The following ZNF609 variants were observed in gnomAD, a reference collection of about 807,000 sequenced individuals.
ZNF609 encodes zinc finger protein 609.
Under a neutral mutation model 109.5 loss-of-function variants are expected in ZNF609, and 11 were observed. The observed-to-expected ratio is 0.10, with a 90% CI of 0.06 to 0.17. The LOEUF (loss-of-function observed/expected upper bound fraction) is 0.17, where lower values mean the gene tolerates loss of function less well. Among genes scored for constraint, ZNF609 ranks in the 10% least tolerant of loss-of-function variants. The pLI, the probability that ZNF609 is intolerant of heterozygous loss-of-function variation, is 1.00. For synonymous variants in ZNF609, 646 were observed against 662.0 expected, an observed-to-expected ratio of 0.98 and a Z score of 0.37; for missense variants, 1,559 against 1,772.4, an observed-to-expected ratio of 0.88 and a Z score of 2.16.
At chr15:64,541,871 T>A (rs866845237) in intron 2 of ZNF609, among the ~76,000 whole-genome samples, 12 of 148,906 alleles carry the variant, frequency 8.1e-5, no homozygotes, top group African/African-American at 1.7e-4. Context: ...AAAAGTAGAA[T>A]TTCTTCTCTT....
chr15:64,583,740 G>A (rs562436872), intron 2 of ZNF609, among the ~76,000 whole-genome samples: 1 of 152,286 alleles, frequency 6.6e-6, no homozygotes, highest in South Asian at 2.1e-4. Context: ...CGTGAATGTA[G>A]GGGAGGTGGG....
chr15:64,612,355 T>C (rs1182249999), intron 2 of ZNF609, among the ~76,000 whole-genome samples: 4 of 151,594 alleles, frequency 2.6e-5, no homozygotes, highest in Admixed American at 2.6e-4. Flanking sequence ...TTCACTGAGT[T>C]AGCCAGGATG....
chr15:64,577,748 A>G (rs1435908917), intron 2 of ZNF609, among the ~76,000 whole-genome samples: 2 of 150,668 alleles, frequency 1.3e-5, no homozygotes, highest in African/African-American at 4.9e-5. Context: ...AATCCCCGCT[A>G]CTTGGGAGGC....
chr15:64,490,631 G>A lies in ZNF609; in HGVS notation c.-127-8662G>A, dbSNP rs567151611. On this transcript the variant is annotated intron_variant, in intron 1 of 9. Coordinates refer to ENST00000326648, the MANE Select transcript of ZNF609 (RefSeq NM_015042.2). The stretch of plus-strand genomic sequence containing the variant: ...TCAGATAATCTGCCTCTGCTTTTTG[G>A]CCTAGCTATACACAGGATTTAGTAA... Among the ~76,000 whole-genome samples, 69 of 152,096 alleles carry A rather than the reference G, an allele frequency of 4.5e-4. 1 individual carries two copies. The South Asian group carries it at 0.011, about 24-fold the overall frequency.
chr15:64,677,993 T>C, intron 5 of ZNF609, 123 bp from the exon 6 acceptor site: 2 of 1,358,024 alleles, frequency 1.5e-6, no homozygotes, highest in South Asian at 1.4e-5. Context: ...GAGGCCAAAA[T>C]CCTACTCTGC....
chr15:64,461,474 G>T (rs980035177), intron 1 of ZNF609, among the ~76,000 whole-genome samples: 3 of 152,120 alleles, frequency 2.0e-5, no homozygotes, highest in Non-Finnish European at 4.4e-5. Flanking sequence ...GAAAACCCAT[G>T]CTGCCCTCTT....
intron 2 of ZNF609, among the ~76,000 whole-genome samples, chr15:64,517,036 G>C (rs1308862976): frequency 6.6e-6 from 1 of 152,050 alleles, no homozygotes; most frequent in East Asian, 1.9e-4. Context: ...ATTTAATTGC[G>C]AGTTTTAAGC....
intron 1 of ZNF609, among the ~76,000 whole-genome samples, chr15:64,495,797 A>G (rs1893473812): frequency 6.7e-6 from 1 of 149,800 alleles, no homozygotes; most frequent in South Asian, 2.1e-4. Flanking sequence ...CAACTAAGTT[A>G]CACATTTTCA....
chr15:64,521,462 T>C (rs1256107114), intron 2 of ZNF609, among the ~76,000 whole-genome samples: 2 of 152,190 alleles, frequency 1.3e-5, no homozygotes, highest in Non-Finnish European at 2.9e-5. Flanking sequence ...AGGATTTTTT[T>C]TCCTTTCCTT....
intron 1 of ZNF609, among the ~76,000 whole-genome samples, chr15:64,490,624 C>T (rs1219774724): frequency 6.6e-6 from 1 of 152,108 alleles, no homozygotes; most frequent in Non-Finnish European, 1.5e-5. Context: ...TCTGCCTCTG[C>T]TTTTTGGCCT....
At chr15:64,490,332 G>A (rs1893396793) in intron 1 of ZNF609, among the ~76,000 whole-genome samples, 1 of 148,148 alleles carries the variant, frequency 6.8e-6, no homozygotes, top group Non-Finnish European at 1.5e-5. Flanking sequence ...GGAGTGCAAT[G>A]GCACGGTCTC....
intron 2 of ZNF609, among the ~76,000 whole-genome samples, chr15:64,506,519 G>C (rs1020753291): frequency 1.3e-5 from 2 of 151,046 alleles, no homozygotes; most frequent in Non-Finnish European, 3.0e-5. Context: ...TCGGGAGTTC[G>C]AGACCAGCCT....
At chr15:64,650,059 C>T (rs1005124920) in intron 3 of ZNF609, among the ~76,000 whole-genome samples, 1 of 148,608 alleles carries the variant, frequency 6.7e-6, no homozygotes, top group African/African-American at 2.5e-5. Flanking sequence ...GCAGGAGGAT[C>T]ACTTGAGTCC....
chr15:64,612,342 G>C (rs763349273), intron 2 of ZNF609, among the ~76,000 whole-genome samples: 1 of 151,214 alleles, frequency 6.6e-6, no homozygotes, highest in Non-Finnish European at 1.5e-5. Context: ...GTGGAGATGG[G>C]GTTTCACTGA....
intron 3 of ZNF609, among the ~76,000 whole-genome samples, chr15:64,635,544 A>C (rs1030582973): frequency 6.6e-6 from 1 of 152,146 alleles, no homozygotes; most frequent in Non-Finnish European, 1.5e-5. Flanking sequence ...CAACTCTGTA[A>C]TCATTTATGT....
intron 2 of ZNF609, among the ~76,000 whole-genome samples, chr15:64,590,258 A>G (rs1895270274): frequency 6.6e-6 from 1 of 152,210 alleles, no homozygotes; most frequent in Admixed American, 6.5e-5. Flanking sequence ...ATCTATGAAT[A>G]AATATAAGGT....
intron 7 of ZNF609, 33 bp from the exon 8 acceptor site, chr15:64,680,613 A>G (rs760858808): frequency 2.9e-5 from 44 of 1,530,920 alleles, no homozygotes; most frequent in East Asian, 4.5e-5. Context: ...GTGTCTCACT[A>G]TAGTGCTTTT....
chr15:64,611,196 C>T (rs766782983), intron 2 of ZNF609, among the ~76,000 whole-genome samples: 3 of 152,078 alleles, frequency 2.0e-5, no homozygotes, highest in African/African-American at 4.8e-5. Context: ...TGTAACCATA[C>T]AGGAATAGGA....
chr15:64,583,584 C>T (rs1567021220), intron 2 of ZNF609, among the ~76,000 whole-genome samples: 1 of 152,134 alleles, frequency 6.6e-6, no homozygotes, highest in East Asian at 1.9e-4. Flanking sequence ...CCTGCTTTCT[C>T]ATAGCCCAGA....
Sources: allele counts gnomAD v4.1 joint callset (sites outside exome capture counted in the v4.1 genomes callset), GRCh38; gene constraint gnomAD v4.1.1; transcripts MANE v1.5; gene names NCBI Gene and HGNC (gene_info 2026-07-23, HGNC 2026-07-21).